ROBO2: variants seen among roughly 807,000 people sequenced by gnomAD.
ROBO2 encodes roundabout guidance receptor 2.
ROBO2 carries 53 observed loss-of-function variants against 160.8 expected under a neutral mutation model. The observed-to-expected ratio is 0.33, with a 90% CI of 0.26 to 0.41. The LOEUF is 0.41. Among genes scored for constraint, ROBO2 ranks in the 10% least tolerant of loss-of-function variants. The pLI is 1.00. For synonymous variants in ROBO2, 664 were observed against 611.7 expected (o/e 1.09, Z -1.26); for missense variants, 1,577 against 1,722.4 (o/e 0.92, Z 1.49).
At chr3:77,496,297 AG>A (rs1225394493) in intron 5 of ROBO2, among the ~76,000 whole-genome samples, 1 of 152,118 alleles carries the variant, frequency 6.6e-6, no homozygotes, top group African/African-American at 2.4e-5. Context: ...GTAGAAACTG[AG>A]GTCAGTATTT....
intron 2 of ROBO2, among the ~76,000 whole-genome samples, chr3:76,401,065 C>T (rs2077785500): frequency 6.6e-6 from 1 of 151,382 alleles, no homozygotes; most frequent in African/African-American, 2.4e-5. Flanking sequence ...TTGCATTGGT[C>T]AAAATAATGA....
intron 2 of ROBO2, among the ~76,000 whole-genome samples, chr3:77,347,874 G>T (rs1417842783): frequency 1.3e-5 from 2 of 151,982 alleles, no homozygotes; most frequent in African/African-American, 4.8e-5. Context: ...CCAGCTCAGG[G>T]TTTTTAGACC....
intron 6 of ROBO2, among the ~76,000 whole-genome samples, chr3:77,523,622 A>C (rs1194321299): frequency 6.6e-6 from 1 of 151,380 alleles, no homozygotes; most frequent in African/African-American, 2.4e-5. Flanking sequence ...CTGTCTTTTC[A>C]GTGGGACTTG....
chr3:76,372,707 G>T (rs568224907), intron 2 of ROBO2, among the ~76,000 whole-genome samples: 32 of 151,994 alleles, frequency 2.1e-4, no homozygotes, highest in Non-Finnish European at 5.9e-5. Context: ...GGAGTGGGAT[G>T]AGACCAATGC....
chr3:76,798,274 A>AAGAAAG (rs1553909423), intron 2 of ROBO2, among the ~76,000 whole-genome samples: 2 of 148,526 alleles, frequency 1.3e-5, no homozygotes, highest in African/African-American at 2.5e-5. Context: ...GAAAGAAAGA[A>AAGAAAG]AGAAAGAAAG....
chr3:77,479,295 G>A (rs80335418), intron 3 of ROBO2, among the ~76,000 whole-genome samples: 1 of 152,168 alleles, frequency 6.6e-6, no homozygotes, highest in Non-Finnish European at 1.5e-5. Flanking sequence ...GCATGGTAAT[G>A]ACCTTTAGTT....
chr3:76,442,450 T>C (rs1421148741), intron 2 of ROBO2, among the ~76,000 whole-genome samples: 1 of 152,146 alleles, frequency 6.6e-6, no homozygotes, highest in Non-Finnish European at 1.5e-5. Context: ...TTTTCTGTTA[T>C]TTTAATGGAG....
At chr3:76,558,507 A>C (rs2083953077) in intron 2 of ROBO2, among the ~76,000 whole-genome samples, 1 of 152,138 alleles carries the variant, frequency 6.6e-6, no homozygotes, top group South Asian at 2.1e-4. Context: ...CTATACTTTT[A>C]AAACAGTTTC....
intron 2 of ROBO2, among the ~76,000 whole-genome samples, chr3:77,291,924 A>T (rs1221115419): frequency 2.0e-5 from 3 of 151,778 alleles, no homozygotes; most frequent in Admixed American, 6.6e-5. Context: ...CCAGACGTGA[A>T]GTAAAATTGA....
At chr3:77,214,594 T>C (rs2084664953) in intron 2 of ROBO2, among the ~76,000 whole-genome samples, 1 of 152,194 alleles carries the variant, frequency 6.6e-6, no homozygotes, top group African/African-American at 2.4e-5. Flanking sequence ...AGGTTAGTAT[T>C]GTTATGTGTG....
At chr3:76,388,353 G>T (rs1388326059) in intron 2 of ROBO2, among the ~76,000 whole-genome samples, 1 of 151,096 alleles carries the variant, frequency 6.6e-6, no homozygotes, top group African/African-American at 2.4e-5. Flanking sequence ...CTCACTGCAA[G>T]CTCCGCTTCC....
intron 1 of ROBO2, among the ~76,000 whole-genome samples, chr3:77,047,975 A>G (rs887169539): frequency 4.6e-5 from 7 of 151,974 alleles, no homozygotes; most frequent in Non-Finnish European, 8.8e-5. Flanking sequence ...TGAACCTGGG[A>G]GGTGGAACTG....
chr3:76,201,439 A>G (rs576160977), intron 2 of ROBO2, among the ~76,000 whole-genome samples: 41 of 152,274 alleles, frequency 2.7e-4, no homozygotes, highest in Admixed American at 3.9e-4. Context: ...CTTAAGTTAG[A>G]GTTTTAGAAA....
At chr3:76,468,839 G>A (rs901189709) in intron 2 of ROBO2, among the ~76,000 whole-genome samples, 4 of 151,824 alleles carry the variant, frequency 2.6e-5, no homozygotes, top group Admixed American at 1.3e-4. Context: ...CTCACCATTC[G>A]CCCTCTACCT....
At chr3:77,531,583 T>TTA (rs1193895164) in intron 6 of ROBO2, among the ~76,000 whole-genome samples, 1 of 151,800 alleles carries the variant, frequency 6.6e-6, no homozygotes, top group Non-Finnish European at 1.5e-5. Context: ...TCAGCATGAA[T>TTA]TATAAATCTG....
At chr3:76,259,405 G>A (rs1191431278) in intron 2 of ROBO2, among the ~76,000 whole-genome samples, 2 of 151,948 alleles carry the variant, frequency 1.3e-5, no homozygotes, top group African/African-American at 2.4e-5. Context: ...ATAAGATGGG[G>A]GACCAGTTAC....
intron 2 of ROBO2, among the ~76,000 whole-genome samples, chr3:76,430,166 C>T (rs185869048): frequency 1.1e-4 from 16 of 152,270 alleles, no homozygotes; most frequent in Non-Finnish European, 2.2e-4. Flanking sequence ...TAATTCAAAA[C>T]CCCAAATACC....
At position 77,611,027 on chromosome 3, in the gene ROBO2, G is replaced by A. The variant is rs185213182; in HGVS notation, c.3293+3073G>A. Among the ~76,000 whole-genome samples, 257 of 151,946 alleles carry A rather than the reference G, an allele frequency of 1.7e-3. 2 individuals are homozygous for A. The highest frequency in any genetic ancestry group is 5.0e-3 in the African/African-American group (208 of 41,480). On this transcript the variant is annotated intron_variant, in intron 21 of 25. Coordinates refer to ENST00000461745, the Ensembl canonical transcript of ROBO2. ...AAAACTGCATAGGGTGGCTGGGCGC[G>A]GTGGCTCACACCTGTAATCTCAGCA...
intron 2 of ROBO2, among the ~76,000 whole-genome samples, chr3:77,174,399 T>G (rs566901966): frequency 6.0e-4 from 92 of 152,176 alleles, no homozygotes; most frequent in Non-Finnish European, 1.2e-3. Flanking sequence ...TAGCCCGTAT[T>G]AATAGGCTTC....
Sources: gnomAD v4.1 joint callset for allele counts (sites outside exome capture counted in the v4.1 genomes callset) on GRCh38, gnomAD v4.1.1 for gene constraint, MANE v1.5 for transcripts, NCBI Gene and HGNC (gene_info 2026-07-23, HGNC 2026-07-21) for gene names.